The following DIAPH3 variants were observed in gnomAD, a reference collection of about 807,000 sequenced individuals.
The protein encoded by DIAPH3 is protein diaphanous homolog 3.
A neutral mutation model predicts 144.3 loss-of-function variants in DIAPH3; 117 were observed. The observed-to-expected ratio is 0.81, with a 90% CI of 0.70 to 0.95. The LOEUF is 0.95. DIAPH3 is among the 40% of genes least tolerant of loss of function. The probability of loss-of-function intolerance (pLI) is 0.00; values close to 1 mark genes in which losing one functional copy is unlikely to be tolerated. For synonymous variants in DIAPH3, 519 were observed against 488.9 expected, an observed-to-expected ratio of 1.06 and a Z score of -0.81; for missense variants, 1,421 against 1,412.7, an observed-to-expected ratio of 1.01 and a Z score of -0.09.
chr13:59,833,340 T>C (rs1253786520), intron 23 of DIAPH3, 69 bp from the exon 24 acceptor site: 1 of 1,269,432 alleles, frequency 7.9e-7, no homozygotes, highest in African/African-American at 1.5e-5. Context: ...ACTCTGTAAA[T>C]CCAATGTTTT....
intron 19 of DIAPH3, among the ~76,000 whole-genome samples, chr13:59,913,459 C>T (rs2047087687): frequency 6.6e-6 from 1 of 152,142 alleles, no homozygotes. Context: ...CATGCAACTC[C>T]TCTGCTCTAT....
intron 27 of DIAPH3, among the ~76,000 whole-genome samples, chr13:59,746,296 T>C (rs2036698991): frequency 6.6e-6 from 1 of 152,126 alleles, no homozygotes; most frequent in South Asian, 2.1e-4. Context: ...CAATCTTAGC[T>C]CACTGCAACC....
At chr13:59,986,644 C>A (rs938690389) in intron 12 of DIAPH3, among the ~76,000 whole-genome samples, 2 of 124,072 alleles carry the variant, frequency 1.6e-5, no homozygotes, top group African/African-American at 6.1e-5. Context: ...AACAAACAAC[C>A]CCATCAAAAA....
chr13:59,991,407 T>G, intron 11 of DIAPH3, 133 bp from the exon 12 acceptor site: 1 of 699,110 alleles, frequency 1.4e-6, no homozygotes, highest in South Asian at 1.7e-5. Flanking sequence ...AAAATACAGA[T>G]ATTTAGGATT....
chr13:60,058,186 CA>C (rs879771778), intron 4 of DIAPH3, among the ~76,000 whole-genome samples: 111 of 137,924 alleles, frequency 8.0e-4, no homozygotes, highest in Middle Eastern at 3.8e-3. Flanking sequence ...CTCAAATCAG[CA>C]AAAAAAAAAA....
chr13:59,969,617 T>C (rs1247203476), intron 17 of DIAPH3, among the ~76,000 whole-genome samples: 1 of 152,164 alleles, frequency 6.6e-6, no homozygotes, highest in Non-Finnish European at 1.5e-5. Context: ...TTTTTCTATT[T>C]TTCAAACTGA....
intron 27 of DIAPH3, among the ~76,000 whole-genome samples, chr13:59,738,813 A>G (rs2036292237): frequency 6.6e-6 from 1 of 152,164 alleles, no homozygotes. Flanking sequence ...ATCTTTTCAA[A>G]TTTTGAAAAG....
At chr13:60,156,161 T>C (rs1402028064) in intron 1 of DIAPH3, among the ~76,000 whole-genome samples, 1 of 152,248 alleles carries the variant, frequency 6.6e-6, no homozygotes, top group African/African-American at 2.4e-5. Flanking sequence ...CAGCTTCAGA[T>C]GGCTGCATTA....
intron 20 of DIAPH3, among the ~76,000 whole-genome samples, chr13:59,885,325 C>G (rs937563995): frequency 1.3e-5 from 2 of 151,926 alleles, no homozygotes; most frequent in Non-Finnish European, 2.9e-5. Context: ...TCCAGACAAT[C>G]CCCATCCCAT....
At chr13:59,695,839 A>G (rs342569) in intron 27 of DIAPH3, among the ~76,000 whole-genome samples, 103,674 of 151,440 alleles carry the variant, frequency 0.68, 35,637 homozygotes, top group East Asian at 0.83. Context: ...AAGCTGAGTC[A>G]ACCAATTAAA....
At chr13:60,101,484 C>T (rs895454760) in intron 3 of DIAPH3, among the ~76,000 whole-genome samples, 3 of 151,978 alleles carry the variant, frequency 2.0e-5, no homozygotes, top group African/African-American at 7.3e-5. Flanking sequence ...AAATTCAAAC[C>T]ACTTTCTTAA....
At chr13:59,667,124 C>T (rs533863642) in intron 27 of DIAPH3, among the ~76,000 whole-genome samples, 1 of 152,284 alleles carries the variant, frequency 6.6e-6, no homozygotes, top group South Asian at 2.1e-4. Context: ...ATTATCAGGG[C>T]CTGGTCCCAT....
chr13:60,133,077 C>T (rs558264765), intron 1 of DIAPH3, 88 bp from the exon 2 acceptor site: 30 of 871,170 alleles, frequency 3.4e-5, no homozygotes, highest in African/African-American at 3.2e-4. Flanking sequence ...TTCTACAATC[C>T]TAACTTGAAT....
intron 17 of DIAPH3, among the ~76,000 whole-genome samples, chr13:59,946,019 T>C (rs1392193323): frequency 2.6e-5 from 4 of 152,202 alleles, no homozygotes; most frequent in African/African-American, 7.2e-5. Context: ...GCTGTCTCCA[T>C]AGTGGACATA....
intron 4 of DIAPH3, among the ~76,000 whole-genome samples, chr13:60,086,991 G>A (rs1443328818): frequency 1.3e-5 from 2 of 152,074 alleles, no homozygotes; most frequent in South Asian, 2.1e-4. Context: ...GATAAAAAAT[G>A]GCATAGTATT....
chr13:60,088,164 C>A (rs1594631329), intron 4 of DIAPH3, among the ~76,000 whole-genome samples: 1 of 152,020 alleles, frequency 6.6e-6, no homozygotes, highest in African/African-American at 2.4e-5. Context: ...ATCATCTTGA[C>A]CTACGAAAAT....
intron 13 of DIAPH3, among the ~76,000 whole-genome samples, chr13:59,981,500 T>C (rs1375618429): frequency 2.7e-5 from 4 of 150,110 alleles, no homozygotes; most frequent in Non-Finnish European, 4.5e-5. Context: ...AAAATATTTT[T>C]TGATGTTAGA....
chr13:59,878,876 CT>C (rs372359307), intron 21 of DIAPH3, among the ~76,000 whole-genome samples: 1 of 151,854 alleles, frequency 6.6e-6, no homozygotes, highest in African/African-American at 2.4e-5. Flanking sequence ...AATGGCAATC[CT>C]AAGCAATATT....
At chr13:59,667,799 G>A (rs558061364) in intron 27 of DIAPH3, among the ~76,000 whole-genome samples, 15 of 152,160 alleles carry the variant, frequency 9.9e-5, no homozygotes, top group Admixed American at 2.6e-4. Flanking sequence ...GACATTTAAA[G>A]TTTTTTGGTT....
Sources: allele counts gnomAD v4.1 joint callset (sites outside exome capture counted in the v4.1 genomes callset), GRCh38; gene constraint gnomAD v4.1.1; transcripts MANE v1.5; gene names NCBI Gene and HGNC (gene_info 2026-07-23, HGNC 2026-07-21).